Variants in GCNT2 observed in about 807,000 individuals in gnomAD.
The protein encoded by GCNT2 is N-acetyllactosaminide beta-1,6-N-acetylglucosaminyl-transferase.
A neutral mutation model predicts 34.2 loss-of-function variants in GCNT2; 34 were observed. That is an observed-to-expected ratio of 1.00 (90% confidence interval 0.76 to 1.32). GCNT2 has a LOEUF of 1.32. Among genes scored for constraint, GCNT2 ranks in the 40% most tolerant of loss-of-function variants. The pLI is 0.00. For synonymous variants in GCNT2, 212 were observed against 188.0 expected, an observed-to-expected ratio of 1.13 and a Z score of -1.04; for missense variants, 584 against 489.4, an observed-to-expected ratio of 1.19 and a Z score of -1.82.
intron 3 of GCNT2, among the ~76,000 whole-genome samples, chr6:10,540,921 T>C (rs1762010004): frequency 6.6e-6 from 1 of 152,184 alleles, no homozygotes; most frequent in African/African-American, 2.4e-5. Flanking sequence ...GAGTGTGGTC[T>C]GCCTTTGGGA....
At chr6:10,543,913 A>C (rs1317207216) in intron 3 of GCNT2, among the ~76,000 whole-genome samples, 1 of 152,174 alleles carries the variant, frequency 6.6e-6, no homozygotes, top group Non-Finnish European at 1.5e-5. Context: ...TTAGGAGATG[A>C]AATTGTCTGA....
chr6:10,591,465 C>A (rs1002881683), intron 3 of GCNT2, among the ~76,000 whole-genome samples: 1 of 152,322 alleles, frequency 6.6e-6, no homozygotes, highest in Non-Finnish European at 1.5e-5. Context: ...TAGCGAGCCC[C>A]ACTTTATTCC....
chr6:10,571,687 C>G (rs1763562524), intron 3 of GCNT2, among the ~76,000 whole-genome samples: 1 of 152,098 alleles, frequency 6.6e-6, no homozygotes, highest in Non-Finnish European at 1.5e-5. Context: ...CATGTTCTCC[C>G]ATTATTGTTT....
rs544214351 is a variant in GCNT2, at chr6:10,614,869, G to A, written c.926-6482G>A. On this transcript the variant is annotated intron_variant, in intron 3 of 4. Coordinates refer to ENST00000495262, the MANE Select transcript of GCNT2 (RefSeq NM_145649.5). ...CGCGTTCATTCCTTTAACATTGGTT[G>A]AGAGTCTCCTGGTGGCCAAGTGCTA... Among the ~76,000 whole-genome samples the A allele has an allele frequency of 1.4e-4, 21 of 152,240 alleles. No homozygotes were observed. The South Asian group carries it at 3.9e-3, about 29-fold the overall frequency.
intron 3 of GCNT2, chr6:10,556,344 G>T (rs1762700327): frequency 6.2e-7 from 1 of 1,602,640 alleles, no homozygotes; most frequent in South Asian, 1.1e-5. Context: ...TGCAAAATAA[G>T]AACTCAGAGA....
At chr6:10,538,667 T>C (rs1232418989) in intron 3 of GCNT2, among the ~76,000 whole-genome samples, 1 of 151,804 alleles carries the variant, frequency 6.6e-6, no homozygotes, top group Non-Finnish European at 1.5e-5. Flanking sequence ...GATTGTAATT[T>C]CCCCAGATCA....
At chr6:10,548,135 G>C (rs1762343937) in intron 3 of GCNT2, among the ~76,000 whole-genome samples, 2 of 152,158 alleles carry the variant, frequency 1.3e-5, no homozygotes, top group African/African-American at 4.8e-5. Context: ...TGAAACAGGA[G>C]GATCACTTGA....
intron 3 of GCNT2, among the ~76,000 whole-genome samples, chr6:10,583,045 A>G (rs565057465): frequency 6.6e-6 from 1 of 152,312 alleles, no homozygotes; most frequent in East Asian, 1.9e-4. Context: ...CACCTGGACC[A>G]GGGAGCTGTG....
At chr6:10,590,579 G>A (rs1447344497) in intron 3 of GCNT2, among the ~76,000 whole-genome samples, 1 of 149,894 alleles carries the variant, frequency 6.7e-6, no homozygotes, top group South Asian at 2.1e-4. Context: ...TTTTGAGATG[G>A]AGTCTTGCTC....
chr6:10,589,120 GTGTA>G (rs1372958589), intron 3 of GCNT2, among the ~76,000 whole-genome samples: 1 of 146,748 alleles, frequency 6.8e-6, no homozygotes, highest in African/African-American at 2.5e-5. Context: ...TGTGGTGTGT[GTGTA>G]TGTGTGGTGT....
chr6:10,613,838 G>T (rs1408393229), intron 3 of GCNT2, among the ~76,000 whole-genome samples: 1 of 152,188 alleles, frequency 6.6e-6, no homozygotes, highest in Admixed American at 6.5e-5. Flanking sequence ...GACGTTGGAT[G>T]ATGTCCAGGG....
intron 3 of GCNT2, among the ~76,000 whole-genome samples, chr6:10,616,118 T>C (rs115646915): frequency 0.033 from 4,998 of 150,580 alleles, 176 homozygotes; most frequent in Admixed American, 0.095. Flanking sequence ...GTTCAGAGTT[T>C]TTTCCTTCTG....
intron 3 of GCNT2, among the ~76,000 whole-genome samples, chr6:10,606,957 A>T (rs898162347): frequency 1.3e-5 from 2 of 151,616 alleles, no homozygotes; most frequent in African/African-American, 4.8e-5. Flanking sequence ...TTTATTATTT[A>T]TTTTTTTGAG....
chr6:10,570,224 GGCACCCA>G (rs1270832269), intron 3 of GCNT2, among the ~76,000 whole-genome samples: 1 of 152,120 alleles, frequency 6.6e-6, no homozygotes, highest in African/African-American at 2.4e-5. Flanking sequence ...CATTAGCCAC[GGCACCCA>G]GCATGTGGCA....
chr6:10,546,583 CA>C (rs751141199), intron 3 of GCNT2, among the ~76,000 whole-genome samples: 3 of 152,108 alleles, frequency 2.0e-5, no homozygotes, highest in Non-Finnish European at 4.4e-5. Context: ...TGCTTGAACC[CA>C]GGGGGCGGAG....
At chr6:10,557,030 C>T in intron 3 of GCNT2, 1 of 1,613,234 alleles carries the variant, frequency 6.2e-7, no homozygotes, top group Non-Finnish European at 8.5e-7. Context: ...GGAAATAGTT[C>T]AGTATCTGAA....
Position 10,587,501 on chromosome 6 carries a change from A to T in GCNT2, c.926-33850A>T, listed in dbSNP as rs529833577. Reference sequence around the variant, plus strand: ...CTAACCTGATATTTTAGCCTGGAGGAGTGGGTAACAAAGAGTTGGAACATA... The same window carrying T: ...CTAACCTGATATTTTAGCCTGGAGGTGTGGGTAACAAAGAGTTGGAACATA... On this transcript the variant is annotated intron_variant, in intron 3 of 4. Coordinates refer to ENST00000495262, the MANE Select transcript of GCNT2 (RefSeq NM_145649.5). Among the ~76,000 whole-genome samples the T allele has an allele frequency of 3.3e-5, 5 of 152,294 alleles. No individual in the cohort carries two copies. In the South Asian group the frequency reaches 8.3e-4, roughly 25 times the overall value.
chr6:10,565,199 C>G (rs1763223241), intron 3 of GCNT2, among the ~76,000 whole-genome samples: 1 of 152,332 alleles, frequency 6.6e-6, no homozygotes, highest in Non-Finnish European at 1.5e-5. Context: ...CTGGACTGAG[C>G]ATGAGGCAGG....
At chr6:10,605,334 G>A (rs1373975249) in intron 3 of GCNT2, among the ~76,000 whole-genome samples, 3 of 145,268 alleles carry the variant, frequency 2.1e-5, no homozygotes, top group Non-Finnish European at 4.5e-5. Context: ...CCCTACCTCA[G>A]CCTCTCAAGT....
Sources: gnomAD v4.1 joint callset for allele counts (sites outside exome capture counted in the v4.1 genomes callset) on GRCh38, gnomAD v4.1.1 for gene constraint, MANE v1.5 for transcripts, NCBI Gene and HGNC (gene_info 2026-07-23, HGNC 2026-07-21) for gene names.